DNAH5: variants seen among roughly 807,000 people sequenced by gnomAD.
DNAH5 encodes the protein axonemal beta dynein heavy chain 5.
Under a neutral mutation model 518.2 loss-of-function variants are expected in DNAH5, and 372 were observed. The ratio of observed to expected loss-of-function variants is 0.72; its 90% confidence interval spans 0.66 to 0.78. The LOEUF is 0.78. DNAH5 is among the 30% of genes least tolerant of loss of function. DNAH5 has a pLI of 0.00. For missense variants in DNAH5, 5,523 were observed against 5,687.0 expected, an observed-to-expected ratio of 0.97 and a Z score of 0.93; for synonymous variants, 2,039 against 2,025.9, an observed-to-expected ratio of 1.01 and a Z score of -0.17.
intron 52 of DNAH5, among the ~76,000 whole-genome samples, chr5:13,785,210 C>A (rs544296240): frequency 1.6e-4 from 25 of 151,900 alleles, no homozygotes; most frequent in African/African-American, 6.0e-4. Flanking sequence ...AAGGAGCGTG[C>A]AACTAGATCC....
intron 31 of DNAH5, among the ~76,000 whole-genome samples, chr5:13,847,530 G>A (rs990433446): frequency 3.3e-5 from 5 of 151,498 alleles, no homozygotes; most frequent in South Asian, 2.1e-4. Flanking sequence ...GACCAGCCTG[G>A]CCACCATGGT....
chr5:14,008,633 CAAAAAAAAAA>C (rs1484842376), intron 1 of DNAH5, among the ~76,000 whole-genome samples: 3 of 131,000 alleles, frequency 2.3e-5, no homozygotes, highest in Non-Finnish European at 4.9e-5. Flanking sequence ...GACTCTGTCT[CAAAAAAAAAA>C]GAAAAACAAA....
chr5:13,813,694 CTA>C (rs1761031018), intron 43 of DNAH5, among the ~76,000 whole-genome samples: 1 of 152,104 alleles, frequency 6.6e-6, no homozygotes, highest in Admixed American at 6.6e-5. Flanking sequence ...CATCATTTTG[CTA>C]TATGATTCCC....
chr5:13,839,228 C>G (rs969960481), intron 35 of DNAH5, 128 bp downstream of exon 35: 14 of 817,174 alleles, frequency 1.7e-5, no homozygotes, highest in African/African-American at 1.0e-4. Flanking sequence ...GATAATAAAG[C>G]TAAAAATACT....
chr5:13,700,530 T>A, intron 78 of DNAH5, 110 bp downstream of exon 78: 2 of 1,093,112 alleles, frequency 1.8e-6, no homozygotes, highest in East Asian at 4.8e-5. Context: ...AGCTAATAGA[T>A]AAGAGAGCAA....
In DNAH5 at chr5:13,735,142, G is replaced by C; in HGVS notation, c.11750C>G (p.Thr3917Ser). The change falls in exon 68 of 79, where the codon ACT becomes AGT. Residue 3917 changes from threonine to serine, a missense_variant. Coordinates refer to ENST00000265104, the MANE Select transcript of DNAH5 (RefSeq NM_001369.3). ...RNRVKHEEFLTLIKGGASLDL... is the reference protein window; with the variant it reads ...RNRVKHEEFLSLIKGGASLDL... ...ATTCTTATATTGACCTTTAATAAGA[G>C]TGAGAAACTCTTCATGCTTGACTCG... 1 of 1,613,994 alleles carries C rather than the reference G, an allele frequency of 6.2e-7. No individual in the cohort carries two copies.
At chr5:13,800,256 A>G (rs1443039915) in intron 47 of DNAH5, among the ~76,000 whole-genome samples, 1 of 152,166 alleles carries the variant, frequency 6.6e-6, no homozygotes, top group African/African-American at 2.4e-5. Context: ...TTCCTCCTGT[A>G]TTGCATGCTC....
At position 13,721,245 on chromosome 5, in the gene DNAH5, C is replaced by A. The variant is rs747828322; in HGVS notation, c.12034G>T (p.Ala4012Ser). The change falls in exon 71 of 79, where the codon GCC (alanine) becomes TCC (serine). Residue 4012 changes from alanine (A) to serine (S), a missense_variant and splice_region_variant. Around this residue, in one of 3 missense-constraint regions of DNAH5, gnomAD observed 5,121 missense variants for 5,223.3 expected, o/e 0.98. Transcript: ENST00000265104. ...ATGGAGTCCACGATGTACTTGCGGG[C>A]CTGCCAAAAACAGTATACAAGTCAG... is the stretch of plus-strand genomic sequence containing the variant. ...SWCPDRTIAQARKYIVDSMGE... is the reference protein window; with the variant it reads ...SWCPDRTIAQSRKYIVDSMGE... The A allele has an allele frequency of 1.2e-6, 2 of 1,613,938 alleles. No individual in the cohort carries two copies. Among genetic ancestry groups the A allele is most frequent in the East Asian group, 2.2e-5 (1 of 44,894 alleles).
At chr5:13,728,920 A>C (rs1022961497) in intron 69 of DNAH5, among the ~76,000 whole-genome samples, 1 of 152,158 alleles carries the variant, frequency 6.6e-6, no homozygotes, top group Non-Finnish European at 1.5e-5. Context: ...GAAAGATGAT[A>C]ACTTCTAAAG....
intron 1 of DNAH5, among the ~76,000 whole-genome samples, chr5:13,997,108 G>A (rs1784018783): frequency 6.6e-6 from 1 of 152,182 alleles, no homozygotes; most frequent in South Asian, 2.1e-4. Flanking sequence ...TTCTTTTGGA[G>A]GGGTGGCCCT....
intron 63 of DNAH5, 145 bp from the exon 64 acceptor site, chr5:13,752,434 C>T (rs551088200): frequency 1.1e-5 from 11 of 963,332 alleles, no homozygotes; most frequent in Admixed American, 6.0e-5. Flanking sequence ...AAATACAAAA[C>T]TTGTTGAGAG....
At chr5:13,789,360 A>G (rs938779660) in intron 50 of DNAH5, among the ~76,000 whole-genome samples, 3 of 152,142 alleles carry the variant, frequency 2.0e-5, no homozygotes, top group Non-Finnish European at 2.9e-5. Flanking sequence ...TGTGGCAAAA[A>G]CTGGATTATC....
intron 3 of DNAH5, among the ~76,000 whole-genome samples, chr5:13,925,821 T>G (rs1452193696): frequency 6.6e-6 from 1 of 152,110 alleles, no homozygotes; most frequent in Admixed American, 6.5e-5. Context: ...TTATAAAGTG[T>G]TCCTACTTTT....
chr5:13,856,983 T>G (rs989446666), intron 30 of DNAH5, among the ~76,000 whole-genome samples: 18 of 152,124 alleles, frequency 1.2e-4, no homozygotes, highest in Non-Finnish European at 5.9e-5. Flanking sequence ...ACCACTCCTA[T>G]CCAACATAGT....
intron 50 of DNAH5, among the ~76,000 whole-genome samples, chr5:13,790,849 A>G (rs775737247): frequency 2.3e-4 from 35 of 152,206 alleles, no homozygotes; most frequent in Non-Finnish European, 8.8e-5. Flanking sequence ...GTTCTCACTT[A>G]TAAGTGGGAG....
chr5:13,773,933 G>A (rs1753712015), intron 55 of DNAH5, among the ~76,000 whole-genome samples: 1 of 151,818 alleles, frequency 6.6e-6, no homozygotes, highest in South Asian at 2.1e-4. Context: ...AAAAAAAAGA[G>A]CATATTCAAG....
intron 1 of DNAH5, among the ~76,000 whole-genome samples, chr5:13,963,666 T>C (rs1781340802): frequency 6.6e-6 from 1 of 152,152 alleles, no homozygotes; most frequent in South Asian, 2.1e-4. Context: ...GTAATTATAC[T>C]TCCATAATCT....
chr5:13,946,861 C>G (rs574290011), upstream of DNAH5, among the ~76,000 whole-genome samples: 1 of 152,238 alleles, frequency 6.6e-6, no homozygotes, highest in South Asian at 2.1e-4. Flanking sequence ...GTGCCTTTTA[C>G]GCAGCCAGAC....
chr5:13,754,170 C>T (rs1750663235), intron 62 of DNAH5, 33 bp downstream of exon 62: 4 of 1,613,472 alleles, frequency 2.5e-6, no homozygotes, highest in Non-Finnish European at 3.4e-6. Flanking sequence ...TCACAGTCAA[C>T]ACACAATCTC....
Sources: allele counts gnomAD v4.1 joint callset (sites outside exome capture counted in the v4.1 genomes callset), GRCh38; gene constraint gnomAD v4.1.1; regional missense constraint gnomAD v4.1.1; transcripts MANE v1.5; gene names NCBI Gene and HGNC (gene_info 2026-07-23, HGNC 2026-07-21).